PRIM2: variants seen among roughly 807,000 people sequenced by gnomAD.
The protein encoded by PRIM2 is DNA primase subunit 2.
Under a neutral mutation model 67.3 loss-of-function variants are expected in PRIM2, and 39 were observed. The observed-to-expected ratio is 0.58, with a 90% CI of 0.45 to 0.76. PRIM2 has a LOEUF of 0.76. Among genes scored for constraint, PRIM2 ranks in the 30% least tolerant of loss-of-function variants. The pLI is 0.00. For synonymous variants in PRIM2, 143 were observed against 198.7 expected, an observed-to-expected ratio of 0.72 and a Z score of 2.36; for missense variants, 398 against 598.7, an observed-to-expected ratio of 0.66 and a Z score of 3.50.
At chr6:57,507,257 A>G (rs1366920942) in intron 7 of PRIM2, 130 bp from the exon 8 acceptor site, 3 of 869,460 alleles carry the variant, frequency 3.5e-6, no homozygotes, top group Admixed American at 3.0e-5. Context: ...ATTTGAAAAA[A>G]GAGAAATAGA....
intron 5 of PRIM2, among the ~76,000 whole-genome samples, chr6:57,359,074 A>G: frequency 6.6e-6 from 1 of 152,276 alleles, no homozygotes; most frequent in African/African-American, 2.4e-5. Flanking sequence ...GCTGAAACTC[A>G]TTACCCTTTA....
At chr6:57,266,132 C>T in the PRIM2 span, among the ~76,000 whole-genome samples, 1 of 152,110 alleles carries the variant, frequency 6.6e-6, no homozygotes, top group East Asian at 1.9e-4. Context: ...GTGTAGAATA[C>T]AGAAGAATTT....
At chr6:57,389,684 G>A (rs1581854869) in intron 7 of PRIM2, among the ~76,000 whole-genome samples, 1 of 152,038 alleles carries the variant, frequency 6.6e-6, no homozygotes, top group Non-Finnish European at 1.5e-5. Flanking sequence ...TTATTTGTTC[G>A]TTTGGAAAAA....
intron 7 of PRIM2, among the ~76,000 whole-genome samples, chr6:57,496,150 CTT>C (rs1428602671): frequency 1.3e-5 from 2 of 152,148 alleles, no homozygotes; most frequent in Non-Finnish European, 2.9e-5. Context: ...ATATACATGT[CTT>C]TTCTGTGTCT....
chr6:57,577,488 G>A (rs1282332066), intron 10 of PRIM2, among the ~76,000 whole-genome samples: 1 of 146,118 alleles, frequency 6.8e-6, no homozygotes, highest in Non-Finnish European at 1.5e-5. Flanking sequence ...GGAGTGCAGT[G>A]GCACGATCTT....
upstream of PRIM2, among the ~76,000 whole-genome samples, chr6:57,312,624 TA>T (rs1767410050): frequency 6.6e-6 from 1 of 152,234 alleles, no homozygotes; most frequent in Non-Finnish European, 1.5e-5. Flanking sequence ...AAAATATACA[TA>T]ACACAAAATT....
intron 7 of PRIM2, among the ~76,000 whole-genome samples, chr6:57,462,768 C>T (rs56947816): frequency 2.0e-5 from 3 of 152,120 alleles, no homozygotes; most frequent in Non-Finnish European, 2.9e-5. Flanking sequence ...TTTTTATTCC[C>T]TCTATTATTT....
At chr6:57,624,850 GA>G (rs1487849560) in intron 12 of PRIM2, among the ~76,000 whole-genome samples, 2 of 152,116 alleles carry the variant, frequency 1.3e-5, no homozygotes, top group East Asian at 3.9e-4. Flanking sequence ...ACTTTATAAA[GA>G]AAAAAAGGTT....
the PRIM2 span, among the ~76,000 whole-genome samples, chr6:57,308,760 A>G: frequency 6.6e-6 from 1 of 152,180 alleles, no homozygotes; most frequent in South Asian, 2.1e-4. Context: ...TTCAATTACT[A>G]ATGTAATTAA....
At chr6:57,296,069 A>G in the PRIM2 span, among the ~76,000 whole-genome samples, 1 of 152,170 alleles carries the variant, frequency 6.6e-6, no homozygotes, top group Non-Finnish European at 1.5e-5. Flanking sequence ...ATGGAATACT[A>G]ACTATAACAA....
At chr6:57,626,053 G>A (rs1199837539) in intron 12 of PRIM2, among the ~76,000 whole-genome samples, 2 of 152,376 alleles carry the variant, frequency 1.3e-5, no homozygotes, top group East Asian at 3.9e-4. Flanking sequence ...AAGCAAGCTT[G>A]TTATCACTTT....
chr6:57,329,846 T>C (rs1767994924), intron 5 of PRIM2, among the ~76,000 whole-genome samples: 1 of 152,240 alleles, frequency 6.6e-6, no homozygotes, highest in African/African-American at 2.4e-5. Context: ...TTAATTTTAT[T>C]CCATTGATCT....
At chr6:57,417,172 G>A (rs1394201077) in intron 7 of PRIM2, among the ~76,000 whole-genome samples, 1 of 152,038 alleles carries the variant, frequency 6.6e-6, no homozygotes, top group Non-Finnish European at 1.5e-5. Flanking sequence ...TCACCATGTT[G>A]GTCAGGCTAG....
chr6:57,455,040 T>C (rs542851933), intron 7 of PRIM2, among the ~76,000 whole-genome samples: 1 of 152,166 alleles, frequency 6.6e-6, no homozygotes, highest in African/African-American at 2.4e-5. Context: ...CATTTCATTA[T>C]GTACCCAGTA....
chr6:57,397,860 G>C (rs926694989), intron 7 of PRIM2, among the ~76,000 whole-genome samples: 1 of 144,812 alleles, frequency 6.9e-6, no homozygotes, highest in Non-Finnish European at 1.5e-5. Flanking sequence ...AATTCTTTCA[G>C]TTGTGATATT....
chr6:57,368,266 C>G (rs1276879598), intron 5 of PRIM2, among the ~76,000 whole-genome samples: 1 of 151,718 alleles, frequency 6.6e-6, no homozygotes, highest in Non-Finnish European at 1.5e-5. Context: ...TGATGTATGT[C>G]GAACCACTAA....
At chr6:57,284,539 G>A in the PRIM2 span, among the ~76,000 whole-genome samples, 1 of 152,030 alleles carries the variant, frequency 6.6e-6, no homozygotes, top group African/African-American at 2.4e-5. Context: ...ACTGAAAAAT[G>A]TCTCTCTCCA....
chr6:57,241,791 A>G, the PRIM2 span, among the ~76,000 whole-genome samples: 90 of 146,460 alleles, frequency 6.1e-4, no homozygotes, highest in Non-Finnish European at 8.9e-4. Context: ...TCCTGCCTCA[A>G]CCTCCCAAGT....
intron 10 of PRIM2, among the ~76,000 whole-genome samples, chr6:57,538,318 T>C (rs1775042253): frequency 6.6e-6 from 1 of 152,166 alleles, no homozygotes; most frequent in Non-Finnish European, 1.5e-5. Context: ...GCCTGAGTCA[T>C]CATACCTAGC....
Sources: allele counts gnomAD v4.1 joint callset (sites outside exome capture counted in the v4.1 genomes callset), GRCh38; gene constraint gnomAD v4.1.1; transcripts MANE v1.5; gene names NCBI Gene and HGNC (gene_info 2026-07-23, HGNC 2026-07-21).